The following SDC2 variants were observed in gnomAD, a reference collection of about 807,000 sequenced individuals.
SDC2 encodes the protein syndecan-2.
SDC2 carries 13 observed loss-of-function variants against 22.2 expected under a neutral mutation model. The ratio of observed to expected loss-of-function variants is 0.59; its 90% CI spans 0.38 to 0.93. The LOEUF (loss-of-function observed/expected upper bound fraction) is 0.93, where lower values mean the gene tolerates loss of function less well. Among genes scored for constraint, SDC2 ranks in the 40% least tolerant of loss-of-function variants. The probability of loss-of-function intolerance (pLI) is 0.00; values close to 1 mark genes in which losing one functional copy is unlikely to be tolerated. For synonymous variants in SDC2, 94 were observed against 92.8 expected, an observed-to-expected ratio of 1.01 and a Z score of -0.07; for missense variants, 235 against 246.8, an observed-to-expected ratio of 0.95 and a Z score of 0.32.
At position 96,609,155 on chromosome 8, in the gene SDC2, G is replaced by A. The variant is rs563685341; in HGVS notation, c.443-230G>A. 3.8e-4 allele frequency among the ~76,000 whole-genome samples: 58 copies of A among 152,252 alleles called. No homozygotes were observed. The highest frequency in any genetic ancestry group is 6.6e-4 in the Non-Finnish European group (45 of 67,992). On this transcript the variant is annotated intron_variant, in intron 4 of 4. Coordinates refer to ENST00000302190, the MANE Select transcript of SDC2 (RefSeq NM_002998.4). ...AGATCAAGGCCAGATTTTTCTTATC[G>A]AGGTTTTTGGGTGGTATTATTAACA...
intron 3 of SDC2, among the ~76,000 whole-genome samples, chr8:96,605,106 A>G (rs1815055783): frequency 6.6e-6 from 1 of 152,212 alleles, no homozygotes; most frequent in Non-Finnish European, 1.5e-5. Context: ...GAGGAAACTG[A>G]AAAGATCAAC....
chr8:96,551,541 TGTCCAAGGTCTCCA>T (rs1814027848), intron 1 of SDC2, among the ~76,000 whole-genome samples: 1 of 152,266 alleles, frequency 6.6e-6, no homozygotes, highest in Admixed American at 6.5e-5. Context: ...TTCAGTAACT[TGTCCAAGGTCTCCA>T]GTCCAGTGGA....
At chr8:96,498,731 T>A (rs1449925962) in intron 1 of SDC2, among the ~76,000 whole-genome samples, 1 of 152,114 alleles carries the variant, frequency 6.6e-6, no homozygotes, top group African/African-American at 2.4e-5. Context: ...CCTCAGCTGA[T>A]CCACCGCCTC....
intron 1 of SDC2, among the ~76,000 whole-genome samples, chr8:96,589,995 G>A (rs1013211948): frequency 3.3e-4 from 50 of 152,162 alleles, no homozygotes; most frequent in Non-Finnish European, 6.5e-4. Flanking sequence ...AATCAGATGC[G>A]CATTCTCCTC....
chr8:96,522,776 A>G (rs1335801173), intron 1 of SDC2, among the ~76,000 whole-genome samples: 1 of 152,240 alleles, frequency 6.6e-6, no homozygotes, highest in African/African-American at 2.4e-5. Flanking sequence ...AGAGAACAAG[A>G]TAGAGCAGTT....
At chr8:96,535,810 C>T (rs1346417250) in intron 1 of SDC2, among the ~76,000 whole-genome samples, 2 of 152,128 alleles carry the variant, frequency 1.3e-5, no homozygotes, top group African/African-American at 4.8e-5. Flanking sequence ...CAGGTATTAG[C>T]TGAACAGAAC....
chr8:96,516,632 C>T (rs1813406544), intron 1 of SDC2, among the ~76,000 whole-genome samples: 1 of 151,874 alleles, frequency 6.6e-6, no homozygotes, highest in Admixed American at 6.6e-5. Flanking sequence ...TCCCTTCTGT[C>T]TCTGTAGATT....
intron 3 of SDC2, among the ~76,000 whole-genome samples, chr8:96,607,276 A>G (rs773257696): frequency 5.3e-5 from 8 of 152,086 alleles, no homozygotes; most frequent in Non-Finnish European, 7.4e-5. Context: ...AAGCTACCCA[A>G]CACCTGCAGT....
intron 1 of SDC2, among the ~76,000 whole-genome samples, chr8:96,591,436 A>G (rs1356866413): frequency 1.3e-5 from 2 of 152,168 alleles, no homozygotes; most frequent in South Asian, 2.1e-4. Context: ...CCTCAGTCCA[A>G]GGCCAATTTG....
At chr8:96,515,177 C>G (rs1425171872) in intron 1 of SDC2, among the ~76,000 whole-genome samples, 2 of 152,178 alleles carry the variant, frequency 1.3e-5, no homozygotes, top group Non-Finnish European at 2.9e-5. Context: ...TTCAATAGTT[C>G]TATAATGGCT....
chr8:96,547,807 C>T (rs1381719836), intron 1 of SDC2, among the ~76,000 whole-genome samples: 1 of 151,932 alleles, frequency 6.6e-6, no homozygotes, highest in Non-Finnish European at 1.5e-5. Context: ...GTTGCCCAGG[C>T]TGGCATGCAG....
intron 1 of SDC2, among the ~76,000 whole-genome samples, chr8:96,592,829 G>A (rs2704260): frequency 0.18 from 27,749 of 152,242 alleles, 3,040 homozygotes; most frequent in South Asian, 0.35. Context: ...AGAAGCAGGC[G>A]TGCAGTGGGC....
chr8:96,503,560 G>A (rs1813197381), intron 1 of SDC2, among the ~76,000 whole-genome samples: 1 of 152,254 alleles, frequency 6.6e-6, no homozygotes, highest in Admixed American at 6.5e-5. Context: ...ATGAATACAG[G>A]TAAAACTAGG....
At chr8:96,555,812 G>T (rs1814099161) in intron 1 of SDC2, among the ~76,000 whole-genome samples, 1 of 152,066 alleles carries the variant, frequency 6.6e-6, no homozygotes. Flanking sequence ...GACCCTGGGT[G>T]CCAGATGAGT....
At chr8:96,576,394 A>C (rs1428083201) in intron 1 of SDC2, among the ~76,000 whole-genome samples, 2 of 17,170 alleles carry the variant, frequency 1.2e-4, no homozygotes, top group Non-Finnish European at 1.7e-4. Context: ...GTTTTTTTTT[A>C]CCAGATTTGC....
At chr8:96,508,331 A>T (rs1040552463) in intron 1 of SDC2, among the ~76,000 whole-genome samples, 16 of 118,422 alleles carry the variant, frequency 1.4e-4, no homozygotes, top group Non-Finnish European at 2.5e-4. Flanking sequence ...AATAATAATA[A>T]TAATAATAAT....
At chr8:96,593,417 C>CA in intron 1 of SDC2, 63 bp from the exon 2 acceptor site, 1 of 1,084,930 alleles carries the variant, frequency 9.2e-7, no homozygotes, top group Admixed American at 1.7e-5. Context: ...CCTGAACAAT[C>CA]AGATATACAA....
At chr8:96,590,974 G>C (rs1281698510) in intron 1 of SDC2, among the ~76,000 whole-genome samples, 1 of 152,154 alleles carries the variant, frequency 6.6e-6, no homozygotes, top group Non-Finnish European at 1.5e-5. Context: ...CCCAAGTCTT[G>C]TTGAAATACA....
chr8:96,522,183 A>G (rs535388237), intron 1 of SDC2, among the ~76,000 whole-genome samples: 108 of 152,316 alleles, frequency 7.1e-4, no homozygotes, highest in Non-Finnish European at 1.1e-3. Context: ...ATAAAGGGGA[A>G]AGGAAGGCTT....
Sources: gnomAD v4.1 joint callset for allele counts (sites outside exome capture counted in the v4.1 genomes callset) on GRCh38, gnomAD v4.1.1 for gene constraint, MANE v1.5 for transcripts, NCBI Gene and HGNC (gene_info 2026-07-23, HGNC 2026-07-21) for gene names.